The following EYS variants were observed in gnomAD, a reference collection of about 807,000 sequenced individuals.
EYS encodes protein eyes shut homolog.
In EYS, 250 loss-of-function variants were observed where a neutral mutation model predicts 282.1. The observed-to-expected ratio is 0.89, with a 90% CI of 0.80 to 0.98. The LOEUF is 0.98. EYS is among the 50% of genes least tolerant of loss of function. EYS has a pLI of 0.00. For synonymous variants in EYS, 1,355 were observed against 1,282.9 expected (o/e 1.06, Z -1.20); for missense variants, 4,016 against 3,709.0 (o/e 1.08, Z -2.15).
chr6:65,017,875 G>C (rs991839149), intron 13 of EYS, among the ~76,000 whole-genome samples: 15 of 152,032 alleles, frequency 9.9e-5, no homozygotes, highest in African/African-American at 2.7e-4. Context: ...ACCTCATAGA[G>C]TAGAGGCCAA....
chr6:64,889,137 T>A (rs2150064691), intron 18 of EYS, among the ~76,000 whole-genome samples: 1 of 152,166 alleles, frequency 6.6e-6, no homozygotes, highest in African/African-American at 2.4e-5. Flanking sequence ...CAATTTTTTT[T>A]AAACAGTAGT....
rs558371204 is a variant in EYS at position 65,242,917 on chromosome 6, T to C, written c.2023+52946A>G. On this transcript the variant is annotated intron_variant, in intron 12 of 42. Coordinates refer to ENST00000503581, the MANE Select transcript of EYS (RefSeq NM_001142800.2). The stretch of plus-strand genomic sequence containing the variant: ...TGCTTACAGGCCACTGCTGTCTTCT[T>C]TGAAGAGGTAACTACTTAAATGCTT... Among the ~76,000 whole-genome samples the C allele has an allele frequency of 1.1e-4, 16 of 152,276 alleles. No homozygotes were observed. In the South Asian group the frequency reaches 3.1e-3, roughly 30 times the overall value.
At chr6:65,640,591 G>A (rs1767244337) in intron 1 of EYS, among the ~76,000 whole-genome samples, 1 of 152,206 alleles carries the variant, frequency 6.6e-6, no homozygotes, top group African/African-American at 2.4e-5. Context: ...AAGGTTGGGA[G>A]TTTTGCTGTT....
At chr6:65,270,975 C>T (rs1767883221) in intron 12 of EYS, among the ~76,000 whole-genome samples, 1 of 151,474 alleles carries the variant, frequency 6.6e-6, no homozygotes. Context: ...TCACAAGAGT[C>T]TTAGCTTCTT....
At chr6:63,796,481 A>C (rs1477530603) in intron 37 of EYS, among the ~76,000 whole-genome samples, 3 of 152,220 alleles carry the variant, frequency 2.0e-5, no homozygotes, top group Non-Finnish European at 2.9e-5. Context: ...ATGATCCAAC[A>C]GTCTTTTAAT....
At chr6:65,057,338 T>C (rs2150157521) in intron 13 of EYS, among the ~76,000 whole-genome samples, 1 of 152,258 alleles carries the variant, frequency 6.6e-6, no homozygotes, top group Admixed American at 6.6e-5. Flanking sequence ...TGGTAATATA[T>C]TCCTTCCTTA....
intron 22 of EYS, among the ~76,000 whole-genome samples, chr6:64,637,448 T>C (rs1207958553): frequency 3.2e-5 from 1 of 30,790 alleles, no homozygotes; most frequent in African/African-American, 1.4e-4. Flanking sequence ...TGTTGTGGGG[T>C]GTGGGGAGGG....
chr6:64,259,744 G>A (rs947734220), intron 30 of EYS, among the ~76,000 whole-genome samples: 12 of 151,650 alleles, frequency 7.9e-5, no homozygotes, highest in South Asian at 2.1e-4. Flanking sequence ...TATTGCAATC[G>A]TCTTGAATTA....
chr6:65,610,446 T>C (rs1490143), intron 2 of EYS, among the ~76,000 whole-genome samples: 54,166 of 151,922 alleles, frequency 0.36, 12,086 homozygotes, highest in Non-Finnish European at 0.49. Flanking sequence ...ATCATTTAGA[T>C]ACATTTTTAT....
intron 36 of EYS, among the ~76,000 whole-genome samples, chr6:63,843,974 T>A (rs1772032197): frequency 6.6e-6 from 1 of 152,266 alleles, no homozygotes; most frequent in South Asian, 2.1e-4. Context: ...AAACCCAGCA[T>A]CCATTAGCAA....
intron 26 of EYS, among the ~76,000 whole-genome samples, chr6:64,473,693 T>C (rs1291017721): frequency 1.3e-5 from 2 of 152,200 alleles, no homozygotes; most frequent in Admixed American, 6.5e-5. Flanking sequence ...CCATTAATTA[T>C]GTAATCAGTG....
chr6:65,215,409 C>T (rs1459006678), intron 12 of EYS, among the ~76,000 whole-genome samples: 2 of 152,040 alleles, frequency 1.3e-5, no homozygotes, highest in African/African-American at 4.8e-5. Flanking sequence ...GAAGAAGGGC[C>T]TAAAGATGCG....
intron 2 of EYS, among the ~76,000 whole-genome samples, chr6:65,586,904 C>G (rs190630639): frequency 6.6e-6 from 1 of 151,834 alleles, no homozygotes; most frequent in Non-Finnish European, 1.5e-5. Context: ...AATTTCAGTA[C>G]GATTTTTTTT....
At chr6:64,656,450 A>C (rs1364632671) in intron 22 of EYS, among the ~76,000 whole-genome samples, 2 of 152,154 alleles carry the variant, frequency 1.3e-5, no homozygotes, top group African/African-American at 4.8e-5. Flanking sequence ...GGAATACCTT[A>C]GTTGGGAGTC....
intron 30 of EYS, among the ~76,000 whole-genome samples, chr6:64,293,215 A>G (rs1320818247): frequency 1.3e-5 from 2 of 152,140 alleles, no homozygotes; most frequent in African/African-American, 4.8e-5. Context: ...TTTAAAGAGT[A>G]GCCAAATACA....
chr6:65,692,384 T>C (rs1769276344), intron 1 of EYS, among the ~76,000 whole-genome samples: 1 of 149,892 alleles, frequency 6.7e-6, no homozygotes, highest in African/African-American at 2.4e-5. Context: ...AATACCACAC[T>C]TGTGCTCCCT....
intron 36 of EYS, among the ~76,000 whole-genome samples, chr6:63,816,913 A>G (rs931462791): frequency 1.3e-5 from 2 of 152,238 alleles, no homozygotes; most frequent in African/African-American, 4.8e-5. Context: ...ACAATCCCAC[A>G]TATAATCAAA....
chr6:63,860,302 G>C (rs1772501763), intron 36 of EYS, among the ~76,000 whole-genome samples: 2 of 152,146 alleles, frequency 1.3e-5, no homozygotes, highest in Non-Finnish European at 2.9e-5. Flanking sequence ...ATTGAATATT[G>C]ATATGTGATG....
chr6:64,338,667 C>A (rs1466924589), intron 29 of EYS, among the ~76,000 whole-genome samples: 1 of 151,862 alleles, frequency 6.6e-6, no homozygotes, highest in Non-Finnish European at 1.5e-5. Flanking sequence ...AAAGAGCCCA[C>A]ATAGCCAAAG....
Sources: allele counts gnomAD v4.1 joint callset (sites outside exome capture counted in the v4.1 genomes callset), GRCh38; gene constraint gnomAD v4.1.1; transcripts MANE v1.5; gene names NCBI Gene and HGNC (gene_info 2026-07-23, HGNC 2026-07-21).